The following FYN variants were observed in gnomAD, a reference collection of about 807,000 sequenced individuals.
FYN encodes FYN proto-oncogene, Src family tyrosine kinase, also known as tyrosine-protein kinase Fyn.
A neutral mutation model predicts 70.2 loss-of-function variants in FYN; 10 were observed. The observed-to-expected ratio is 0.14, with a 90% CI of 0.09 to 0.24. The LOEUF is 0.24. FYN is among the 10% of genes least tolerant of loss of function. The probability of loss-of-function intolerance (pLI) is 1.00; values close to 1 mark genes in which losing one functional copy is unlikely to be tolerated. For missense variants in FYN, 319 were observed against 673.1 expected (o/e 0.47, Z 5.82); for synonymous variants, 236 against 248.6 (o/e 0.95, Z 0.48).
intron 1 of FYN, chr6:111,858,177 TCTACCTAAA>T (rs1399142064): frequency 1.3e-5 from 2 of 152,266 alleles, no homozygotes; most frequent in African/African-American, 4.8e-5. Flanking sequence ...AGGGCCCGTT[TCTACCTAAA>T]CACACCCCAC....
chr6:111,849,092 G>C (rs553025857), intron 1 of FYN, among the ~76,000 whole-genome samples: 60 of 152,164 alleles, frequency 3.9e-4, no homozygotes, highest in Non-Finnish European at 1.9e-4. Context: ...TCAATTGTGG[G>C]CTTTGGGCAT....
chr6:111,664,667 G>T (rs906657341), intron 13 of FYN, among the ~76,000 whole-genome samples: 1 of 152,026 alleles, frequency 6.6e-6, no homozygotes, highest in Non-Finnish European at 1.5e-5. Flanking sequence ...CCCATGCAGG[G>T]TCCTGGCAGA....
In FYN at chr6:111,694,318, C is replaced by T; in HGVS notation, c.1273+57G>A. On this transcript the variant is annotated intron_variant, in intron 12 of 13. Coordinates refer to ENST00000354650, the MANE Select transcript of FYN (RefSeq NM_002037.5). This position sits in a 1 kb window ranked among gnomAD's most constrained non-coding sequence, Gnocchi z 5.0. ...AGGGAAGGAGGAAGGAAGGGCTGTG[C>T]AGTAAGTGACTGTTCTCACAGCTGT... 2.5e-6 allele frequency: 4 copies of T among 1,584,156 alleles called. No individual in the cohort carries two copies. The highest frequency in any genetic ancestry group is 3.5e-6 in the Non-Finnish European group (4 of 1,155,690).
chr6:111,764,842 C>A (rs1488512226), intron 3 of FYN, among the ~76,000 whole-genome samples: 1 of 152,226 alleles, frequency 6.6e-6, no homozygotes, highest in Non-Finnish European at 1.5e-5. Flanking sequence ...CAAAATGTCA[C>A]CCTCCTGTTC....
chr6:111,791,130 C>T (rs1030290156), intron 2 of FYN, among the ~76,000 whole-genome samples: 6 of 152,056 alleles, frequency 3.9e-5, no homozygotes, highest in Admixed American at 2.0e-4. Context: ...AGGAACAGGG[C>T]TGGAAGACTT....
intron 2 of FYN, among the ~76,000 whole-genome samples, chr6:111,808,898 T>C (rs1392764220): frequency 6.6e-6 from 1 of 152,232 alleles, no homozygotes; most frequent in Non-Finnish European, 1.5e-5. Context: ...CAAATATTTA[T>C]GGAGCACCTA....
chr6:111,665,866 G>A (rs1797977305), intron 13 of FYN, among the ~76,000 whole-genome samples: 2 of 152,066 alleles, frequency 1.3e-5, no homozygotes, highest in South Asian at 4.2e-4. Flanking sequence ...CAAGTGATCT[G>A]CCCACCTCGG....
chr6:111,704,242 G>C, intron 6 of FYN, 140 bp from the exon 7 acceptor site: 4 of 636,008 alleles, frequency 6.3e-6, no homozygotes, highest in Non-Finnish European at 1.1e-5. Context: ...TTTTTTTCTA[G>C]CTTAATTCAG....
At chr6:111,688,920 C>G (rs114487956) in intron 12 of FYN, among the ~76,000 whole-genome samples, 1 of 152,160 alleles carries the variant, frequency 6.6e-6, no homozygotes, top group Non-Finnish European at 1.5e-5. Context: ...CCCAGATCCA[C>G]TGACTGGCCT....
chr6:111,698,243 C>T (rs1799665053), intron 9 of FYN, among the ~76,000 whole-genome samples: 1 of 152,174 alleles, frequency 6.6e-6, no homozygotes, highest in Non-Finnish European at 1.5e-5. Context: ...AAGTGATTCT[C>T]CTGCCTCAGC....
chr6:111,696,232 C>A, intron 10 of FYN, 45 bp downstream of exon 10: 1 of 1,491,232 alleles, frequency 6.7e-7, no homozygotes, highest in Non-Finnish European at 9.0e-7. Context: ...CCTAAACAAC[C>A]CCTTAAGGCA....
intron 3 of FYN, among the ~76,000 whole-genome samples, chr6:111,758,430 C>A (rs899899715): frequency 5.3e-5 from 8 of 152,162 alleles, no homozygotes; most frequent in African/African-American, 1.9e-4. Context: ...AAGTACTTTA[C>A]ACTAGGGGTG....
chr6:111,761,610 A>G (rs565848649), intron 3 of FYN, among the ~76,000 whole-genome samples: 13 of 152,236 alleles, frequency 8.5e-5, no homozygotes, highest in African/African-American at 2.9e-4. Flanking sequence ...GATTCTAGAG[A>G]GGTGGGCTTT....
intron 3 of FYN, among the ~76,000 whole-genome samples, chr6:111,721,405 C>T (rs1800934251): frequency 6.6e-6 from 1 of 152,172 alleles, no homozygotes. Context: ...TTATGTTTCT[C>T]TTTTACCCTC....
chr6:111,669,776 G>T (rs750674548), intron 13 of FYN, among the ~76,000 whole-genome samples: 10 of 151,936 alleles, frequency 6.6e-5, no homozygotes, highest in Non-Finnish European at 1.0e-4. Flanking sequence ...TCATTTATTT[G>T]CTTATACTTA....
intron 2 of FYN, among the ~76,000 whole-genome samples, chr6:111,817,481 G>A (rs958903920): frequency 6.6e-6 from 1 of 152,102 alleles, no homozygotes; most frequent in Non-Finnish European, 1.5e-5. Context: ...TTTAAAGCAG[G>A]TGCAATAAAT....
chr6:111,861,662 C>T (rs1773967198), intron 1 of FYN, among the ~76,000 whole-genome samples: 1 of 152,166 alleles, frequency 6.6e-6, no homozygotes, highest in Non-Finnish European at 1.5e-5. Flanking sequence ...GAGGACTAGG[C>T]AGGGGAAGCC....
chr6:111,837,759 G>C (rs1230877911), intron 2 of FYN, among the ~76,000 whole-genome samples: 1 of 152,154 alleles, frequency 6.6e-6, no homozygotes, highest in Non-Finnish European at 1.5e-5. Flanking sequence ...TCTTTGGTGA[G>C]ACGGTCAGGA....
chr6:111,815,234 C>T (rs1471282927), intron 2 of FYN, among the ~76,000 whole-genome samples: 3 of 152,132 alleles, frequency 2.0e-5, no homozygotes, highest in African/African-American at 7.2e-5. Flanking sequence ...GGAGTAGAAG[C>T]AGCAGGAAAT....
Sources: gnomAD v4.1 joint callset for allele counts (sites outside exome capture counted in the v4.1 genomes callset) on GRCh38, gnomAD v4.1.1 for gene constraint, Gnocchi (gnomAD v3.1) non-coding constraint, MANE v1.5 for transcripts, NCBI Gene and HGNC (gene_info 2026-07-23, HGNC 2026-07-21) for gene names.